Variants in CADM2 observed in about 807,000 individuals in gnomAD.
CADM2 encodes cell adhesion molecule 2.
CADM2 carries 12 observed loss-of-function variants against 49.8 expected under a neutral mutation model. That is an observed-to-expected ratio of 0.24 (90% CI 0.15 to 0.39). The LOEUF is 0.39. Among genes scored for constraint, CADM2 ranks in the 10% least tolerant of loss-of-function variants. CADM2 has a pLI of 1.00. For synonymous variants in CADM2, 214 were observed against 175.4 expected (o/e 1.22, Z -1.74); for missense variants, 378 against 492.3 (o/e 0.77, Z 2.20).
chr3:85,649,755 C>A (rs992085573), intron 1 of CADM2, among the ~76,000 whole-genome samples: 2 of 152,088 alleles, frequency 1.3e-5, no homozygotes, highest in Non-Finnish European at 2.9e-5. Context: ...CTCACTCATG[C>A]TTTGTGTCTC....
intron 1 of CADM2, among the ~76,000 whole-genome samples, chr3:85,412,177 T>A (rs1229400818): frequency 6.6e-6 from 1 of 152,138 alleles, no homozygotes; most frequent in Non-Finnish European, 1.5e-5. Context: ...AGAATTTGAA[T>A]CAGAATAATG....
intron 3 of CADM2, among the ~76,000 whole-genome samples, chr3:85,833,954 T>C (rs1383568875): frequency 2.0e-5 from 3 of 151,698 alleles, no homozygotes; most frequent in African/African-American, 7.3e-5. Context: ...TTGAGTAGTA[T>C]GAACATTTTA....
chr3:85,805,870 G>A (rs1326981527), intron 3 of CADM2, among the ~76,000 whole-genome samples: 1 of 152,190 alleles, frequency 6.6e-6, no homozygotes, highest in African/African-American at 2.4e-5. Flanking sequence ...ATCTCCTGCA[G>A]GTGGCTGCTA....
chr3:85,558,202 G>T (rs1386829558), intron 1 of CADM2, among the ~76,000 whole-genome samples: 1 of 151,892 alleles, frequency 6.6e-6, no homozygotes, highest in Non-Finnish European at 1.5e-5. Context: ...ATATGAATGT[G>T]ATGCTCATTA....
At chr3:85,487,767 T>G (rs909267484) in intron 1 of CADM2, among the ~76,000 whole-genome samples, 2 of 151,714 alleles carry the variant, frequency 1.3e-5, no homozygotes, top group Non-Finnish European at 2.9e-5. Context: ...CGTGTGTGTG[T>G]GCGTGCGTGT....
chr3:85,176,249 C>A (rs1425072835), intron 1 of CADM2, among the ~76,000 whole-genome samples: 1 of 152,144 alleles, frequency 6.6e-6, no homozygotes, highest in Admixed American at 6.5e-5. Flanking sequence ...TCAAATGGTA[C>A]ATGCACTTCC....
intron 1 of CADM2, among the ~76,000 whole-genome samples, chr3:85,481,906 G>T (rs1170483317): frequency 6.6e-6 from 1 of 151,072 alleles, no homozygotes; most frequent in South Asian, 2.1e-4. Flanking sequence ...CGGGAAGAAA[G>T]TTGTACTTCA....
At chr3:85,497,023 T>C (rs2039933910) in intron 1 of CADM2, among the ~76,000 whole-genome samples, 3 of 93,464 alleles carry the variant, frequency 3.2e-5, no homozygotes, top group South Asian at 7.2e-4. Flanking sequence ...TTTGTATTTT[T>C]AGTAGAGACA....
intron 4 of CADM2, among the ~76,000 whole-genome samples, chr3:85,883,708 G>A (rs1559720464): frequency 2.6e-5 from 4 of 152,044 alleles, no homozygotes; most frequent in Admixed American, 2.6e-4. Context: ...AATAGACACC[G>A]GTTCTCTTGA....
At chr3:85,357,970 G>C (rs144767364) in intron 1 of CADM2, among the ~76,000 whole-genome samples, 1,668 of 152,140 alleles carry the variant, frequency 0.011, 16 homozygotes, top group Non-Finnish European at 0.016. Flanking sequence ...ATATTGCTCT[G>C]ATTTCACAGT....
At chr3:85,373,430 T>A (rs1047162424) in intron 1 of CADM2, among the ~76,000 whole-genome samples, 18 of 152,122 alleles carry the variant, frequency 1.2e-4, no homozygotes, top group Admixed American at 5.9e-4. Context: ...CAGGGTATAG[T>A]TCCCCTCCTG....
At chr3:85,946,260 C>G (rs373586234) in intron 7 of CADM2, among the ~76,000 whole-genome samples, 4,086 of 145,160 alleles carry the variant, frequency 0.028, 108 homozygotes, top group South Asian at 0.063. Flanking sequence ...CTACAAACCA[C>G]TGCTCAACTA....
At chr3:85,516,244 A>G (rs1166620973) in intron 1 of CADM2, among the ~76,000 whole-genome samples, 1 of 152,118 alleles carries the variant, frequency 6.6e-6, no homozygotes, top group East Asian at 1.9e-4. Flanking sequence ...TTTACTCAGA[A>G]TAGTGTTTGG....
At chr3:85,126,802 C>A (rs2039049127) in intron 1 of CADM2, among the ~76,000 whole-genome samples, 1 of 151,920 alleles carries the variant, frequency 6.6e-6, no homozygotes, top group Non-Finnish European at 1.5e-5. Flanking sequence ...TTTCATTTAC[C>A]TTATCTTTCC....
At chr3:85,744,592 G>A (rs956850166) in intron 2 of CADM2, among the ~76,000 whole-genome samples, 5 of 152,116 alleles carry the variant, frequency 3.3e-5, no homozygotes, top group East Asian at 3.8e-4. Context: ...ATGAGAAGAC[G>A]ATGTTTGGAC....
intron 1 of CADM2, among the ~76,000 whole-genome samples, chr3:85,698,772 T>C (rs1327968129): frequency 6.6e-6 from 1 of 152,128 alleles, no homozygotes; most frequent in East Asian, 1.9e-4. Flanking sequence ...TGGACACAGA[T>C]TCAAACCATA....
At chr3:85,320,227 A>G (rs904984083) in intron 1 of CADM2, among the ~76,000 whole-genome samples, 3 of 152,216 alleles carry the variant, frequency 2.0e-5, no homozygotes, top group African/African-American at 7.2e-5. Context: ...CCCACAGCAA[A>G]GAATCATCTG....
intron 1 of CADM2, among the ~76,000 whole-genome samples, chr3:85,139,621 A>T (rs1324126581): frequency 6.6e-6 from 1 of 152,146 alleles, no homozygotes; most frequent in African/African-American, 2.4e-5. Context: ...ATTTATAAGA[A>T]CTATAGGTTA....
intron 1 of CADM2, among the ~76,000 whole-genome samples, chr3:85,294,681 C>G (rs1372194312): frequency 6.6e-6 from 1 of 151,082 alleles, no homozygotes; most frequent in East Asian, 1.9e-4. Flanking sequence ...GAAAAACAAG[C>G]AATGGGGAAA....
Sources: gnomAD v4.1 joint callset for allele counts (sites outside exome capture counted in the v4.1 genomes callset) on GRCh38, gnomAD v4.1.1 for gene constraint, MANE v1.5 for transcripts, NCBI Gene and HGNC (gene_info 2026-07-23, HGNC 2026-07-21) for gene names.